Variants in PCDHGB7 observed in about 807,000 individuals in gnomAD.
PCDHGB7 encodes protocadherin gamma-B7.
In PCDHGB7, 37 loss-of-function variants were observed where a neutral mutation model predicts 61.4. The ratio of observed to expected loss-of-function variants is 0.60; its 90% CI spans 0.46 to 0.79. The LOEUF (loss-of-function observed/expected upper bound fraction) is 0.79. Among genes scored for constraint, PCDHGB7 ranks in the 30% least tolerant of loss-of-function variants. The pLI is 0.00. For synonymous variants in PCDHGB7, 464 were observed against 503.5 expected (o/e 0.92, Z 1.05); for missense variants, 1,166 against 1,202.5 (o/e 0.97, Z 0.45).
intron 1 of PCDHGB7, among the ~76,000 whole-genome samples, chr5:141,462,736 T>C (rs2099045667): frequency 6.6e-6 from 1 of 152,274 alleles, no homozygotes; most frequent in South Asian, 2.1e-4. Flanking sequence ...TTGTCACCTC[T>C]GTAATTCCTA....
chr5:141,453,997 A>C (rs1332821058), intron 1 of PCDHGB7, among the ~76,000 whole-genome samples: 2 of 152,242 alleles, frequency 1.3e-5, no homozygotes, highest in Non-Finnish European at 2.9e-5. Context: ...TGATAAACCC[A>C]CATAACATTT....
At position 141,486,714 on chromosome 5, in the gene PCDHGB7, CAG is replaced by C; in HGVS notation, c.2416-8092_2416-8091del. ...TCTTTCATCTCTCTGAACCCCCAGA[CAG>C]GAGCTGTTCATGCTACTCGATCCTT... On this transcript the variant is annotated intron_variant, in intron 1 of 3. Coordinates refer to ENST00000398594, the MANE Select transcript of PCDHGB7 (RefSeq NM_018927.4). This position sits in a 1 kb window ranked among gnomAD's most constrained non-coding sequence, Gnocchi z 5.0. 1 of 1,614,216 alleles carries C rather than the reference CAG, an allele frequency of 6.2e-7. No homozygotes were observed. Among genetic ancestry groups the C allele is most frequent in the Non-Finnish European group, 8.5e-7 (1 of 1,180,034 alleles).
In PCDHGB7 at chr5:141,423,718, A is replaced by G. The variant is rs1450410707; in HGVS notation, c.2415+3444A>G. The G allele has an allele frequency of 4.8e-6, 5 of 1,049,028 alleles. No homozygotes were observed. In the East Asian group the frequency reaches 2.9e-4, roughly 60 times the overall value. 65.0% of individuals were successfully genotyped at this position (1,049,028 alleles called of 1,614,324 possible). On this transcript the variant is annotated intron_variant, in intron 1 of 3. Coordinates refer to ENST00000398594, the MANE Select transcript of PCDHGB7 (RefSeq NM_018927.4). The stretch of plus-strand genomic sequence containing the variant: ...GTGTCTTGGCACAAGTCTTTTAAGG[A>G]GATGTTTTTTGAGCCTGTTATGAAA...
At chr5:141,460,724 A>C (rs1294708205) in intron 1 of PCDHGB7, among the ~76,000 whole-genome samples, 1 of 152,114 alleles carries the variant, frequency 6.6e-6, no homozygotes, top group African/African-American at 2.4e-5. Context: ...TGTTATAAGC[A>C]TATATACACA....
intron 1 of PCDHGB7, among the ~76,000 whole-genome samples, chr5:141,437,723 G>A (rs2097904411): frequency 6.6e-6 from 1 of 150,736 alleles, no homozygotes; most frequent in South Asian, 2.1e-4. Context: ...ACCCTCTAAT[G>A]TTACACTTTG....
intron 3 of PCDHGB7, among the ~76,000 whole-genome samples, chr5:141,506,444 C>CAA (rs1219684339): frequency 1.2e-3 from 116 of 94,976 alleles, no homozygotes; most frequent in African/African-American, 4.2e-3. Flanking sequence ...CGCTCTGTCT[C>CAA]AAAAAAAAAA....
In PCDHGB7 at chr5:141,487,519, T is replaced by C. The variant is rs1288070159; in HGVS notation, c.2416-7288T>C. The C allele has an allele frequency of 6.2e-7, 1 of 1,614,046 alleles. No individual in the cohort carries two copies. ...CCTTGGCTTCTGCACCCACTCGGAG[T>C]GATAGCTTCATGATGGTGAAGTCAC... On this transcript the variant is annotated intron_variant, in intron 1 of 3. Transcript: ENST00000398594. The surrounding 1 kb of genome is among the most constrained non-coding windows in gnomAD (Gnocchi z 5.0).
At chr5:141,497,849 T>G (rs1337258582) in intron 2 of PCDHGB7, among the ~76,000 whole-genome samples, 1 of 152,192 alleles carries the variant, frequency 6.6e-6, no homozygotes, top group African/African-American at 2.4e-5. Flanking sequence ...ACAAACATTT[T>G]TGATTCAGCG....
At chr5:141,446,873 A>T (rs1324695415) in intron 1 of PCDHGB7, among the ~76,000 whole-genome samples, 1 of 152,132 alleles carries the variant, frequency 6.6e-6, no homozygotes, top group African/African-American at 2.4e-5. Flanking sequence ...CTACACTGGT[A>T]TGTTTTGGGG....
rs763072566 is a variant in PCDHGB7 at position 141,419,417 on chromosome 5, T to G, written c.1558T>G (p.Phe520Val). ...QSGVVFAQRA[F>V]DHEQLRTFEL... The stretch of plus-strand genomic sequence containing the variant: ...CGGGGTGGTGTTCGCGCAGCGCGCC[T>G]TCGACCACGAGCAGCTGCGCACCTT... Residue 520 changes from phenylalanine to valine, a missense_variant, in exon 1 of 4, where the codon TTC (phenylalanine) becomes GTC (valine). Physicochemically the swap from Phe to Val is conservative, Grantham distance 50. Transcript: ENST00000398594. 3.0e-5 allele frequency: 48 copies of G among 1,613,288 alleles called. No homozygotes were observed. Among genetic ancestry groups the G allele is most frequent in the Non-Finnish European group, 3.8e-5 (45 of 1,179,884 alleles).
chr5:141,454,796 A>ATTTTTTTTTTTTTTTTTTTTTTTTTTTT (rs61612330), intron 1 of PCDHGB7, among the ~76,000 whole-genome samples: 3 of 77,456 alleles, frequency 3.9e-5, no homozygotes, highest in Admixed American at 1.8e-4. Flanking sequence ...CATGGTTCTA[A>ATTTTTTTTTTTTTTTTTTTTTTTTTTTT]TTTTTTTTTT....
At chr5:141,508,029 A>C (rs941166006) in intron 3 of PCDHGB7, 10 of 152,264 alleles carry the variant, frequency 6.6e-5, no homozygotes, top group African/African-American at 2.4e-4. Flanking sequence ...TGCGGTTTGC[A>C]GCTCAGCCAG....
intron 3 of PCDHGB7, among the ~76,000 whole-genome samples, chr5:141,509,045 GC>G (rs1165443091): frequency 6.6e-6 from 1 of 152,060 alleles, no homozygotes; most frequent in Non-Finnish European, 1.5e-5. Context: ...CCTCTCCCCC[GC>G]CCCCAGAAAG....
chr5:141,421,476 C>A, intron 1 of PCDHGB7: 2 of 1,614,158 alleles, frequency 1.2e-6, no homozygotes, highest in Non-Finnish European at 1.7e-6. Context: ...CGCGAAGCGG[C>A]AGCTTGATCA....
intron 1 of PCDHGB7, among the ~76,000 whole-genome samples, chr5:141,437,052 T>A (rs986734485): frequency 6.6e-5 from 10 of 152,258 alleles, no homozygotes; most frequent in Non-Finnish European, 1.3e-4. Flanking sequence ...AGAAGGCTGG[T>A]GATCATTATT....
Position 141,419,658 on chromosome 5 carries a change from A to C in PCDHGB7, c.1799A>C (p.His600Pro). The C allele has an allele frequency of 1.9e-6, 3 of 1,612,782 alleles. No individual in the cohort carries two copies. The highest frequency in any genetic ancestry group is 2.5e-6 in the Non-Finnish European group (3 of 1,179,776). Reference protein sequence around the residue: ...KVVAVDADSGHNAWLSYHVVQ... With the variant: ...KVVAVDADSGPNAWLSYHVVQ... ...GTGGCCGTGGACGCGGACTCGGGGC[A>C]CAATGCCTGGCTGTCCTACCACGTG... is the stretch of plus-strand genomic sequence containing the variant. The change falls in exon 1 of 4, where the codon CAC (histidine) becomes CCC (proline). Residue 600 changes from histidine to proline, a missense_variant. Coordinates refer to ENST00000398594, the MANE Select transcript of PCDHGB7 (RefSeq NM_018927.4).
In PCDHGB7 at chr5:141,450,826, A is replaced by AT. The variant is rs764729742; in HGVS notation, c.2415+30554dup. On this transcript the variant is annotated intron_variant, in intron 1 of 3. Coordinates refer to ENST00000398594, the MANE Select transcript of PCDHGB7 (RefSeq NM_018927.4). ...TATTTATTTATTTAATATTATTATT[A>AT]TTATTTTTTTTTTTTTGAGATGGGG... Among the ~76,000 whole-genome samples, 613 of 134,334 alleles carry AT rather than the reference A, an allele frequency of 4.6e-3. 5 individuals are homozygous for AT. Among genetic ancestry groups the AT allele is most frequent in the African/African-American group, 9.0e-3 (309 of 34,288 alleles). 88.1% of individuals were successfully genotyped at this position (134,334 alleles called of 152,430 possible).
At chr5:141,502,907 G>C (rs1335363561) in intron 2 of PCDHGB7, among the ~76,000 whole-genome samples, 2 of 138,924 alleles carry the variant, frequency 1.4e-5, no homozygotes, top group Non-Finnish European at 3.0e-5. Context: ...CTGTTGCCAG[G>C]CTGGAGTGCA....
Position 141,491,536 on chromosome 5 carries a change from C to T in PCDHGB7, c.2416-3271C>T, listed in dbSNP as rs746800813. 1.2e-6 allele frequency: 2 copies of T among 1,614,006 alleles called. No individual in the cohort carries two copies. Among genetic ancestry groups the T allele is most frequent in the Admixed American group, 3.3e-5 (2 of 60,030 alleles). On this transcript the variant is annotated intron_variant, in intron 1 of 3. Coordinates refer to ENST00000398594, the MANE Select transcript of PCDHGB7 (RefSeq NM_018927.4). This position sits in a 1 kb window ranked among gnomAD's most constrained non-coding sequence, Gnocchi z 6.9. ...CAAGTACATGGAGGTGACGCTGCGG[C>T]CCACAGACTCGCAGAGCCACTGCTA...
Sources: allele counts gnomAD v4.1 joint callset (sites outside exome capture counted in the v4.1 genomes callset), GRCh38; gene constraint gnomAD v4.1.1; non-coding constraint Gnocchi (gnomAD v3.1); transcripts MANE v1.5; gene names NCBI Gene and HGNC (gene_info 2026-07-23, HGNC 2026-07-21).